CDH13: variants seen among roughly 807,000 people sequenced by gnomAD.
CDH13 encodes the protein cadherin 13.
A neutral mutation model predicts 63.8 loss-of-function variants in CDH13; 24 were observed. The ratio of observed to expected loss-of-function variants is 0.38; its 90% confidence interval spans 0.27 to 0.53. CDH13 has a LOEUF of 0.53. CDH13 is among the 20% of genes least tolerant of loss of function. CDH13 has a pLI of 0.85. For missense variants in CDH13, 1,049 were observed against 903.1 expected, an observed-to-expected ratio of 1.16 and a Z score of -2.07; for synonymous variants, 503 against 355.3, an observed-to-expected ratio of 1.42 and a Z score of -4.67.
chr16:83,568,924 C>T (rs1904323118), intron 7 of CDH13, among the ~76,000 whole-genome samples: 1 of 152,110 alleles, frequency 6.6e-6, no homozygotes, highest in African/African-American at 2.4e-5. Context: ...CTCCCACTTC[C>T]ATCCATTCTC....
chr16:83,572,753 A>G (rs1682460135), intron 7 of CDH13, among the ~76,000 whole-genome samples: 1 of 152,242 alleles, frequency 6.6e-6, no homozygotes, highest in African/African-American at 2.4e-5. Context: ...AACAGACCCA[A>G]AATATGCTTT....
chr16:83,105,105 C>T (rs2034700601), intron 3 of CDH13, among the ~76,000 whole-genome samples: 1 of 152,128 alleles, frequency 6.6e-6, no homozygotes, highest in Non-Finnish European at 1.5e-5. Context: ...ACCCGTCAAC[C>T]CATCACCTAG....
intron 5 of CDH13, among the ~76,000 whole-genome samples, chr16:83,334,388 C>G (rs1006867467): frequency 1.3e-5 from 2 of 149,818 alleles, no homozygotes; most frequent in African/African-American, 4.9e-5. Context: ...CACACACACA[C>G]ACACACAGAA....
chr16:82,987,123 G>C (rs1025730269), intron 2 of CDH13, among the ~76,000 whole-genome samples: 1 of 152,120 alleles, frequency 6.6e-6, no homozygotes, highest in Non-Finnish European at 1.5e-5. Flanking sequence ...CTGTAGCACT[G>C]GTCACCTTGC....
At chr16:83,384,210 C>T (rs949171956) in intron 6 of CDH13, among the ~76,000 whole-genome samples, 4 of 152,072 alleles carry the variant, frequency 2.6e-5, no homozygotes, top group African/African-American at 7.2e-5. Flanking sequence ...AGTGAGAAAC[C>T]TATTATTATT....
At chr16:83,776,149 A>G (rs1915096536) in intron 11 of CDH13, among the ~76,000 whole-genome samples, 1 of 152,188 alleles carries the variant, frequency 6.6e-6, no homozygotes, top group Admixed American at 6.5e-5. Flanking sequence ...TGGGAATAAC[A>G]CATAGGAAAT....
At chr16:83,720,309 GCACACACAT>G (rs1909520416) in intron 10 of CDH13, among the ~76,000 whole-genome samples, 1 of 109,500 alleles carries the variant, frequency 9.1e-6, no homozygotes, top group Non-Finnish European at 2.2e-5. Flanking sequence ...ATGCACTCAT[GCACACACAT>G]GCACACACAT....
At chr16:83,553,801 C>A (rs945453879) in intron 7 of CDH13, among the ~76,000 whole-genome samples, 2 of 152,224 alleles carry the variant, frequency 1.3e-5, no homozygotes, top group Admixed American at 6.5e-5. Context: ...AGGTGATCCA[C>A]CTGCCTTGGC....
rs192022005 is a variant in CDH13, at chr16:83,712,366, G to A, written c.1538+33905G>A. Among the ~76,000 whole-genome samples, 139 of 152,306 alleles carry A rather than the reference G, an allele frequency of 9.1e-4. 1 individual carries two copies. The highest frequency in any genetic ancestry group is 1.2e-3 in the Non-Finnish European group (84 of 68,026). On this transcript the variant is annotated intron_variant, in intron 10 of 13. Transcript: ENST00000567109. ...GGCACACCTGGTTTGGGACAGGCCT[G>A]CTTTAGCATTGAAAACAGGATCTTT...
At chr16:83,324,978 T>A (rs2090327464) in intron 5 of CDH13, among the ~76,000 whole-genome samples, 11 of 152,122 alleles carry the variant, frequency 7.2e-5, no homozygotes, top group Admixed American at 6.5e-4. Context: ...CTCTACTTGG[T>A]CCCCCTGGAT....
At position 83,122,703 on chromosome 16, in the gene CDH13, TG is replaced by T. The variant is rs1194439744; in HGVS notation, c.367-2681del. Among the ~76,000 whole-genome samples the T allele has an allele frequency of 3.3e-5, 5 of 152,206 alleles. No individual in the cohort carries two copies. In the South Asian group the frequency reaches 1.0e-3, roughly 32 times the overall value. The stretch of plus-strand genomic sequence containing the variant: ...TATTTTTTATTTTTAAAATTTTTTT[TG>T]AAGACTCTTAACAAAGTATAACCAT... On this transcript the variant is annotated intron_variant, in intron 3 of 13. Transcript: ENST00000567109.
chr16:82,670,376 C>A (rs1182641177), intron 1 of CDH13, among the ~76,000 whole-genome samples: 1 of 152,212 alleles, frequency 6.6e-6, no homozygotes, highest in Non-Finnish European at 1.5e-5. Flanking sequence ...ACCTTCCCCA[C>A]TGATTTCTCC....
chr16:82,713,418 T>C (rs1284362047), intron 1 of CDH13, among the ~76,000 whole-genome samples: 1 of 152,094 alleles, frequency 6.6e-6, no homozygotes, highest in Non-Finnish European at 1.5e-5. Context: ...TCTGTGTCCT[T>C]GAGGGGCTGG....
chr16:83,789,713 G>A (rs1417098084), intron 13 of CDH13, among the ~76,000 whole-genome samples: 1 of 152,142 alleles, frequency 6.6e-6, no homozygotes, highest in Non-Finnish European at 1.5e-5. Context: ...AATTTTGGGA[G>A]CAAGGAAATC....
chr16:82,743,687 G>A (rs767468491), intron 1 of CDH13, among the ~76,000 whole-genome samples: 18 of 152,108 alleles, frequency 1.2e-4, no homozygotes, highest in Non-Finnish European at 1.5e-4. Flanking sequence ...AGCATAAAGC[G>A]TGTGAATATG....
chr16:83,518,396 C>T (rs1008272854), intron 7 of CDH13, among the ~76,000 whole-genome samples: 2 of 151,726 alleles, frequency 1.3e-5, no homozygotes, highest in Non-Finnish European at 2.9e-5. Flanking sequence ...CCACCCGCCT[C>T]GGCCTCCCAA....
intron 6 of CDH13, among the ~76,000 whole-genome samples, chr16:83,381,394 T>C (rs971894430): frequency 6.6e-6 from 1 of 152,120 alleles, no homozygotes; most frequent in Non-Finnish European, 1.5e-5. Context: ...CAAACCTCTC[T>C]GACTTAAGCC....
chr16:83,280,399 G>T (rs952518766), intron 5 of CDH13, among the ~76,000 whole-genome samples: 1 of 152,170 alleles, frequency 6.6e-6, no homozygotes. Flanking sequence ...ATGATGAGAT[G>T]GCAGGAATTC....
intron 4 of CDH13, among the ~76,000 whole-genome samples, chr16:83,181,439 AC>A (rs2038346057): frequency 6.6e-6 from 1 of 152,234 alleles, no homozygotes; most frequent in African/African-American, 2.4e-5. Flanking sequence ...TGTGGTTAAT[AC>A]CAGAAGTCCC....
Sources: allele counts gnomAD v4.1 joint callset (sites outside exome capture counted in the v4.1 genomes callset), GRCh38; gene constraint gnomAD v4.1.1; transcripts MANE v1.5; gene names NCBI Gene and HGNC (gene_info 2026-07-23, HGNC 2026-07-21).